RYR3: variants seen among roughly 807,000 people sequenced by gnomAD.
RYR3 encodes ryanodine receptor 3.
Under a neutral mutation model 584.3 loss-of-function variants are expected in RYR3, and 207 were observed. The ratio of observed to expected loss-of-function variants is 0.35; its 90% CI spans 0.32 to 0.40. The LOEUF (loss-of-function observed/expected upper bound fraction) is 0.40. Among genes scored for constraint, RYR3 ranks in the 10% least tolerant of loss-of-function variants. The probability of loss-of-function intolerance (pLI) is 1.00; values close to 1 mark genes in which losing one functional copy is unlikely to be tolerated. For missense variants in RYR3, 5,616 were observed against 6,089.2 expected, an observed-to-expected ratio of 0.92 and a Z score of 2.59; for synonymous variants, 2,416 against 2,248.5, an observed-to-expected ratio of 1.07 and a Z score of -2.11.
At chr15:33,601,988 C>T (rs1268865622) in intron 17 of RYR3, among the ~76,000 whole-genome samples, 2 of 152,156 alleles carry the variant, frequency 1.3e-5, no homozygotes, top group African/African-American at 4.8e-5. Context: ...TATCTGACTG[C>T]TGTCTGTGAG....
chr15:33,621,254 T>G (rs1225092168), intron 19 of RYR3, among the ~76,000 whole-genome samples: 1 of 152,238 alleles, frequency 6.6e-6, no homozygotes, highest in Non-Finnish European at 1.5e-5. Flanking sequence ...GGAGTCCATA[T>G]GCTAGTGAGT....
intron 85 of RYR3, among the ~76,000 whole-genome samples, chr15:33,829,355 C>T (rs1023047599): frequency 1.5e-4 from 23 of 152,052 alleles, no homozygotes; most frequent in African/African-American, 2.7e-4. Flanking sequence ...AAATGCATTT[C>T]GTAAGGCTAC....
intron 12 of RYR3, among the ~76,000 whole-genome samples, chr15:33,570,779 G>A (rs1017508243): frequency 2.0e-5 from 3 of 151,916 alleles, no homozygotes; most frequent in African/African-American, 7.3e-5. Context: ...TATAAGTCTT[G>A]CACTTCTTTT....
chr15:33,425,566 T>C (rs1379029326), intron 1 of RYR3, among the ~76,000 whole-genome samples: 3 of 152,150 alleles, frequency 2.0e-5, no homozygotes, highest in Non-Finnish European at 4.4e-5. Context: ...AACCCTGTGT[T>C]GTCTGCTATA....
intron 77 of RYR3, among the ~76,000 whole-genome samples, chr15:33,820,462 C>T (rs1029458277): frequency 1.3e-5 from 2 of 152,196 alleles, no homozygotes; most frequent in Non-Finnish European, 2.9e-5. Context: ...TACACCAGAA[C>T]CTTACTAAGG....
chr15:33,598,290 CAAAA>C (rs1400199824), intron 16 of RYR3, among the ~76,000 whole-genome samples: 1 of 99,282 alleles, frequency 1.0e-5, no homozygotes, highest in African/African-American at 4.1e-5. Flanking sequence ...GAAAAACAAA[CAAAA>C]AACCAAAAAC....
At chr15:33,496,061 T>C (rs1171205878) in intron 2 of RYR3, among the ~76,000 whole-genome samples, 1 of 152,208 alleles carries the variant, frequency 6.6e-6, no homozygotes, top group Non-Finnish European at 1.5e-5. Context: ...CCAGTTCCAC[T>C]GTACCCCATG....
At chr15:33,598,767 G>T (rs1723963001) in intron 16 of RYR3, among the ~76,000 whole-genome samples, 1 of 150,534 alleles carries the variant, frequency 6.6e-6, no homozygotes, top group South Asian at 2.1e-4. Context: ...AAAAAAATAG[G>T]AGTTGGCTGG....
intron 1 of RYR3, among the ~76,000 whole-genome samples, chr15:33,316,645 CA>C (rs1968214165): frequency 6.6e-6 from 1 of 152,102 alleles, no homozygotes; most frequent in African/African-American, 2.4e-5. Flanking sequence ...TCATTTTTCC[CA>C]CTGTATGGAG....
In RYR3 at chr15:33,865,250, A is replaced by C; in HGVS notation, c.*24A>C. ...AAATCTGAATCAAAGAAGCGCGACA[A>C]TTCTGGACAGTCAACTTCCCATGAA... is the stretch of plus-strand genomic sequence containing the variant. On this transcript the variant is annotated 3_prime_UTR_variant, in exon 104 of 104. Coordinates refer to ENST00000634891, the MANE Select transcript of RYR3 (RefSeq NM_001036.6). 6.5e-7 allele frequency: 1 copy of C among 1,534,652 alleles called. No homozygotes were observed. Among genetic ancestry groups the C allele is most frequent in the Non-Finnish European group, 9.0e-7 (1 of 1,111,354 alleles).
At chr15:33,725,561 C>G (rs2068328616) in intron 45 of RYR3, among the ~76,000 whole-genome samples, 1 of 152,182 alleles carries the variant, frequency 6.6e-6, no homozygotes, top group Non-Finnish European at 1.5e-5. Context: ...CGCTGAGCCC[C>G]TCAAGTTCTC....
At chr15:33,649,937 TA>T (rs1690077974) in intron 31 of RYR3, among the ~76,000 whole-genome samples, 2 of 152,160 alleles carry the variant, frequency 1.3e-5, no homozygotes, top group South Asian at 4.1e-4. Context: ...AGCGATGTCA[TA>T]AGTTGTTTTT....
At chr15:33,712,008 C>T (rs750418372) in intron 43 of RYR3, among the ~76,000 whole-genome samples, 8 of 152,142 alleles carry the variant, frequency 5.3e-5, no homozygotes, top group South Asian at 2.1e-4. Context: ...TTAATTGGCT[C>T]GTGGTTCTGC....
Position 33,821,280 on chromosome 15 carries a change from T to C in RYR3, c.10826T>C (p.Met3609Thr), listed in dbSNP as rs776872340. ...DKEKTFEEKEMEKQKTLYQQA... is the reference protein window; with the variant it reads ...DKEKTFEEKETEKQKTLYQQA... ...TTTTTTTCCCCCCAGGAGAAAGAGA[T>C]GGAGAAGCAAAAAACCCTCTATCAG... Residue 3609 changes from methionine to threonine, a missense_variant, in exon 79 of 104, where the codon ATG becomes ACG. Met to Thr is a moderately conservative substitution (Grantham distance 81, BLOSUM62 -1). Coordinates refer to ENST00000634891, the MANE Select transcript of RYR3 (RefSeq NM_001036.6). 22 of 1,594,626 alleles carry C rather than the reference T, an allele frequency of 1.4e-5. No homozygotes were observed. The highest frequency in any genetic ancestry group is 4.0e-5 in the African/African-American group (3 of 74,424).
At chr15:33,353,612 A>C (rs963733211) in intron 1 of RYR3, among the ~76,000 whole-genome samples, 2 of 152,208 alleles carry the variant, frequency 1.3e-5, no homozygotes, top group Non-Finnish European at 2.9e-5. Flanking sequence ...TCTGGAATGG[A>C]TGGTTGCCCT....
intron 2 of RYR3, among the ~76,000 whole-genome samples, chr15:33,487,367 G>T (rs2050538870): frequency 6.6e-6 from 1 of 152,146 alleles, no homozygotes; most frequent in Non-Finnish European, 1.5e-5. Context: ...GATTTAGATA[G>T]TGGCAGTTGC....
intron 19 of RYR3, among the ~76,000 whole-genome samples, chr15:33,619,531 GC>G (rs2060611155): frequency 1.3e-5 from 2 of 152,118 alleles, no homozygotes; most frequent in Non-Finnish European, 2.9e-5. Context: ...TAACTTTATT[GC>G]TTCTTCTTCT....
In RYR3 at chr15:33,732,110, G is replaced by A. The variant is rs112825296; in HGVS notation, c.7424+416G>A. ...TAAAAGCAACCTACCGGCTGGGCACGGTGGCTCACGCCTGTCATCCCAGCA... is the reference window on the plus strand; with the variant it reads ...TAAAAGCAACCTACCGGCTGGGCACAGTGGCTCACGCCTGTCATCCCAGCA... On this transcript the variant is annotated intron_variant, in intron 48 of 103. Transcript: ENST00000634891. Among the ~76,000 whole-genome samples, 79 of 152,196 alleles carry A rather than the reference G, an allele frequency of 5.2e-4. 1 individual carries two copies. Among genetic ancestry groups the A allele is most frequent in the African/African-American group, 1.4e-3 (59 of 41,512 alleles).
Position 33,453,597 on chromosome 15 carries a change from T to A in RYR3, c.52-19822T>A, listed in dbSNP as rs1300427541. Among the ~76,000 whole-genome samples the A allele has an allele frequency of 6.6e-5, 10 of 152,228 alleles. No individual in the cohort carries two copies. The East Asian group carries it at 1.9e-3, about 29-fold the overall frequency. ...AGTGATGATTCTCCCAAAGAATGTATATCTGTATACAAATGTTAACTGTCC... is the reference window on the plus strand; with the variant it reads ...AGTGATGATTCTCCCAAAGAATGTAAATCTGTATACAAATGTTAACTGTCC... On this transcript the variant is annotated intron_variant, in intron 1 of 103. Coordinates refer to ENST00000634891, the MANE Select transcript of RYR3 (RefSeq NM_001036.6).
Sources: gnomAD v4.1 joint callset for allele counts (sites outside exome capture counted in the v4.1 genomes callset) on GRCh38, gnomAD v4.1.1 for gene constraint, MANE v1.5 for transcripts, NCBI Gene and HGNC (gene_info 2026-07-23, HGNC 2026-07-21) for gene names.